Variants in NEBL observed in about 807,000 individuals in gnomAD.
NEBL encodes the protein nebulette, also known as LIM and SH3 protein 2.
Under a neutral mutation model 140.2 loss-of-function variants are expected in NEBL, and 122 were observed. The ratio of observed to expected loss-of-function variants is 0.87; its 90% CI spans 0.75 to 1.01. The LOEUF (loss-of-function observed/expected upper bound fraction) is 1.01. Among genes scored for constraint, NEBL ranks in the 50% least tolerant of loss-of-function variants. The pLI is 0.00. For missense variants in NEBL, 1,365 were observed against 1,231.3 expected (o/e 1.11, Z -1.62); for synonymous variants, 436 against 398.9 (o/e 1.09, Z -1.11).
chr10:21,204,114 G>C (rs1411596664), intron 3 of NEBL, among the ~76,000 whole-genome samples: 1 of 152,174 alleles, frequency 6.6e-6, no homozygotes, highest in Non-Finnish European at 1.5e-5. Flanking sequence ...AATGTCAGTA[G>C]GGGTCTTCAA....
chr10:21,148,870 A>G (rs1840023068), intron 2 of NEBL, among the ~76,000 whole-genome samples: 1 of 152,074 alleles, frequency 6.6e-6, no homozygotes, highest in Non-Finnish European at 1.5e-5. Context: ...AAGACAGGCC[A>G]TAGAAACTAA....
At chr10:20,817,850 G>T (rs969418488) in intron 20 of NEBL, among the ~76,000 whole-genome samples, 158 bp from the exon 21 acceptor site, 6 of 152,118 alleles carry the variant, frequency 3.9e-5, no homozygotes, top group African/African-American at 1.4e-4. Flanking sequence ...ACATTCCGAT[G>T]GGTCTGATTT....
chr10:21,196,154 C>A (rs56134681), intron 3 of NEBL, among the ~76,000 whole-genome samples: 5,707 of 151,106 alleles, frequency 0.038, 353 homozygotes, highest in African/African-American at 0.13. Flanking sequence ...CAGGCACGCA[C>A]CACCATGCCT....
chr10:21,009,463 G>C (rs1589132687), intron 3 of NEBL, among the ~76,000 whole-genome samples: 1 of 152,144 alleles, frequency 6.6e-6, no homozygotes. Flanking sequence ...TCTACCAGTT[G>C]GGATCAAATT....
chr10:20,801,559 T>C (rs1245138515), intron 26 of NEBL, among the ~76,000 whole-genome samples: 1 of 152,014 alleles, frequency 6.6e-6, no homozygotes, highest in Admixed American at 6.6e-5. Context: ...AGCACAATGG[T>C]TTTATGCAAC....
At chr10:20,938,627 A>G (rs1038120482) in intron 4 of NEBL, among the ~76,000 whole-genome samples, 1 of 151,934 alleles carries the variant, frequency 6.6e-6, no homozygotes, top group Non-Finnish European at 1.5e-5. Flanking sequence ...GGCTTCAGAC[A>G]ATCAAACTAC....
intron 26 of NEBL, among the ~76,000 whole-genome samples, chr10:20,804,121 C>T (rs1002650947): frequency 6.6e-6 from 1 of 151,998 alleles, no homozygotes; most frequent in Non-Finnish European, 1.5e-5. Context: ...TACCTCTGAT[C>T]TTGTTGGGCA....
chr10:21,126,592 C>T (rs1311198873), intron 2 of NEBL, among the ~76,000 whole-genome samples: 1 of 152,082 alleles, frequency 6.6e-6, no homozygotes, highest in Non-Finnish European at 1.5e-5. Flanking sequence ...GACCAACTAA[C>T]CCAATTATTT....
intron 2 of NEBL, among the ~76,000 whole-genome samples, chr10:21,058,518 T>A (rs1400933474): frequency 6.6e-6 from 1 of 152,134 alleles, no homozygotes; most frequent in Non-Finnish European, 1.5e-5. Flanking sequence ...CAAAACCTTC[T>A]ACTTTGGAAA....
At chr10:21,013,136 A>G (rs1382785562) in intron 3 of NEBL, among the ~76,000 whole-genome samples, 1 of 152,186 alleles carries the variant, frequency 6.6e-6, no homozygotes, top group Non-Finnish European at 1.5e-5. Flanking sequence ...GGTGAGTGGA[A>G]TCGCAAAGGT....
chr10:21,054,394 G>A (rs939091875), intron 2 of NEBL, among the ~76,000 whole-genome samples: 5 of 152,118 alleles, frequency 3.3e-5, no homozygotes, highest in Non-Finnish European at 5.9e-5. Context: ...GGCATTGTCC[G>A]GAACGTTCCA....
chr10:21,159,407 T>C (rs1840464673), intron 2 of NEBL, among the ~76,000 whole-genome samples: 2 of 152,214 alleles, frequency 1.3e-5, no homozygotes, highest in African/African-American at 4.8e-5. Context: ...CTTAAAAGGC[T>C]AGGTGTGGTG....
At chr10:21,259,829 A>G (rs1336279853) in intron 1 of NEBL, among the ~76,000 whole-genome samples, 1 of 152,094 alleles carries the variant, frequency 6.6e-6, no homozygotes, top group Non-Finnish European at 1.5e-5. Flanking sequence ...GCGTCTTCCT[A>G]GAGGGCAGGG....
intron 2 of NEBL, among the ~76,000 whole-genome samples, chr10:21,249,023 T>C (rs1425033857): frequency 6.6e-6 from 1 of 151,928 alleles, no homozygotes; most frequent in Non-Finnish European, 1.5e-5. Context: ...GGTGTTTTTG[T>C]TTTTGTTTTT....
intron 2 of NEBL, among the ~76,000 whole-genome samples, chr10:21,123,656 T>C (rs1398481025): frequency 6.6e-6 from 1 of 151,976 alleles, no homozygotes; most frequent in Non-Finnish European, 1.5e-5. Flanking sequence ...CCCCTTCATA[T>C]TGGCATCTTC....
chr10:20,958,873 T>C (rs1467302645), intron 4 of NEBL, among the ~76,000 whole-genome samples: 1 of 152,226 alleles, frequency 6.6e-6, no homozygotes, highest in Non-Finnish European at 1.5e-5. Flanking sequence ...ATTTGAAATT[T>C]ACGGTTGTAT....
At chr10:21,187,504 ATTAT>A (rs1409234162) in intron 3 of NEBL, among the ~76,000 whole-genome samples, 14 of 150,242 alleles carry the variant, frequency 9.3e-5, no homozygotes, top group Admixed American at 2.7e-4. Context: ...TATTACTATT[ATTAT>A]TTATTATTAT....
intron 13 of NEBL, among the ~76,000 whole-genome samples, chr10:20,837,691 G>A (rs1841030053): frequency 6.6e-6 from 1 of 152,150 alleles, no homozygotes; most frequent in East Asian, 1.9e-4. Context: ...TAGCTAGTGA[G>A]GAGAAGTCAA....
At chr10:21,040,193 C>A (rs1207300844) in intron 2 of NEBL, among the ~76,000 whole-genome samples, 1 of 152,036 alleles carries the variant, frequency 6.6e-6, no homozygotes, top group Non-Finnish European at 1.5e-5. Context: ...TGATGAAACC[C>A]CGTCTCTACT....
Sources: gnomAD v4.1 joint callset for allele counts (sites outside exome capture counted in the v4.1 genomes callset) on GRCh38, gnomAD v4.1.1 for gene constraint, MANE v1.5 for transcripts, NCBI Gene and HGNC (gene_info 2026-07-23, HGNC 2026-07-21) for gene names.